Variants in CADM1 observed in about 807,000 individuals in gnomAD.
CADM1 encodes the protein cell adhesion molecule 1, also known as TSLC-1.
A neutral mutation model predicts 53.1 loss-of-function variants in CADM1; 15 were observed. That is an observed-to-expected ratio of 0.28 (90% CI 0.19 to 0.44). CADM1 has a LOEUF of 0.44. Ranked by LOEUF, CADM1 falls within the 20% of genes least tolerant of loss-of-function variation. The probability of loss-of-function intolerance (pLI) is 1.00; values close to 1 mark genes in which losing one functional copy is unlikely to be tolerated. For missense variants in CADM1, 434 were observed against 611.3 expected (o/e 0.71, Z 3.06); for synonymous variants, 281 against 243.0 (o/e 1.16, Z -1.45).
chr11:115,350,451 T>C (rs1945699820), intron 1 of CADM1, among the ~76,000 whole-genome samples: 1 of 151,132 alleles, frequency 6.6e-6, no homozygotes, highest in Non-Finnish European at 1.5e-5. Context: ...AGGTGCCCTG[T>C]AGAAATCCTA....
intron 1 of CADM1, among the ~76,000 whole-genome samples, chr11:115,289,673 G>T (rs1943833838): frequency 1.4e-5 from 2 of 143,208 alleles, no homozygotes. Flanking sequence ...TCCGCTCACT[G>T]CAAGCTCTGT....
intron 1 of CADM1, among the ~76,000 whole-genome samples, chr11:115,347,652 C>CA (rs1272250034): frequency 6.6e-6 from 1 of 152,140 alleles, no homozygotes; most frequent in Non-Finnish European, 1.5e-5. Flanking sequence ...ACCACTGTAA[C>CA]AATTCTGCTA....
chr11:115,351,338 G>A (rs1945731321), intron 1 of CADM1, among the ~76,000 whole-genome samples: 1 of 152,156 alleles, frequency 6.6e-6, no homozygotes, highest in Non-Finnish European at 1.5e-5. Context: ...TCTACTATCT[G>A]AAAAGGAAAC....
rs1373901302 is a variant in CADM1, at chr11:115,190,585, A to G, written c.1165+303T>C. 5 of 296,954 alleles carry G rather than the reference A, an allele frequency of 1.7e-5. No homozygotes were observed. The South Asian group carries it at 4.5e-4, about 27-fold the overall frequency. The allele number at this position is 296,954 out of a possible 1,614,324, so 18.4% of individuals were successfully genotyped here. A position where few individuals can be genotyped will look rare whatever the true frequency, so the allele number is the denominator to read the frequency against. Reference sequence around the variant, plus strand: ...AACAAAATTTCTCCCGACACATTATATATCTAGGACATAAACATTATTTGA... The same window carrying G: ...AACAAAATTTCTCCCGACACATTATGTATCTAGGACATAAACATTATTTGA... On this transcript the variant is annotated intron_variant, in intron 10 of 11. Coordinates refer to ENST00000331581, the MANE Select transcript of CADM1 (RefSeq NM_001301043.2).
intron 10 of CADM1, among the ~76,000 whole-genome samples, chr11:115,183,095 T>C (rs11215402): frequency 0.099 from 15,088 of 152,226 alleles, 1,048 homozygotes; most frequent in East Asian, 0.3. Flanking sequence ...GCCCGATCCA[T>C]TCCTCATGGG....
intron 1 of CADM1, among the ~76,000 whole-genome samples, chr11:115,315,994 C>G (rs556532986): frequency 1.3e-5 from 2 of 152,240 alleles, no homozygotes; most frequent in South Asian, 4.1e-4. Context: ...TGGAGCATTC[C>G]AGCTCCTCCT....
intron 1 of CADM1, among the ~76,000 whole-genome samples, chr11:115,475,228 T>C (rs1949104892): frequency 6.6e-6 from 1 of 152,216 alleles, no homozygotes; most frequent in African/African-American, 2.4e-5. Flanking sequence ...GTTGTTATAC[T>C]ATATTTTTTA....
chr11:115,210,790 G>T (rs1174014961), intron 7 of CADM1, among the ~76,000 whole-genome samples: 1 of 152,126 alleles, frequency 6.6e-6, no homozygotes, highest in Admixed American at 6.5e-5. Flanking sequence ...CTTCCCAAAA[G>T]TTTATAGAAA....
intron 1 of CADM1, among the ~76,000 whole-genome samples, chr11:115,389,926 C>T (rs1202801669): frequency 6.6e-6 from 1 of 152,040 alleles, no homozygotes; most frequent in Non-Finnish European, 1.5e-5. Context: ...TGTGGATGTG[C>T]GACTATCAAA....
chr11:115,262,225 T>C (rs1402261102), intron 1 of CADM1, among the ~76,000 whole-genome samples: 2 of 151,946 alleles, frequency 1.3e-5, no homozygotes, highest in Non-Finnish European at 2.9e-5. Flanking sequence ...TTACTCCTTA[T>C]AAAAACTCTG....
chr11:115,209,749 G>A (rs1940865922), intron 7 of CADM1, 92 bp from the exon 8 acceptor site: 2 of 1,487,570 alleles, frequency 1.3e-6, no homozygotes, highest in South Asian at 1.3e-5. Context: ...ACATTGAGAT[G>A]TTTGTTTGAT....
intron 2 of CADM1, among the ~76,000 whole-genome samples, chr11:115,239,713 G>GTTTT (rs34524829): frequency 7.0e-6 from 1 of 143,096 alleles, no homozygotes; most frequent in Admixed American, 6.9e-5. Flanking sequence ...ACAGTTTTTG[G>GTTTT]TTTTTTTTTT....
intron 1 of CADM1, among the ~76,000 whole-genome samples, chr11:115,276,188 G>GAA (rs1308262687): frequency 6.6e-6 from 1 of 152,134 alleles, no homozygotes; most frequent in East Asian, 1.9e-4. Context: ...ATTCTTCATA[G>GAA]AATGACTATT....
In CADM1 at chr11:115,173,611, AAGAG is replaced by A. The variant is rs1247234835; in HGVS notation, c.*2859_*2862del. On this transcript the variant is annotated 3_prime_UTR_variant, in exon 12 of 12. Transcript: ENST00000331581. Reference sequence around the variant, plus strand: ...CGGAGGCGTCCATAAGAAGTCCATAAAGAGATTAAAGGATCACTTTGTAACATTA... The same window carrying A: ...CGGAGGCGTCCATAAGAAGTCCATAAATTAAAGGATCACTTTGTAACATTA... 3.7e-6 allele frequency: 1 copy of A among 268,974 alleles called. No individual in the cohort carries two copies. The highest frequency in any genetic ancestry group is 5.7e-6 in the Non-Finnish European group (1 of 175,064). The allele number at this position is 268,974 out of a possible 1,614,324, so 16.7% of individuals were successfully genotyped here. A position where few individuals can be genotyped will look rare whatever the true frequency, so the allele number is the denominator to read the frequency against.
At chr11:115,486,160 GAACT>G (rs2135418304) in intron 1 of CADM1, among the ~76,000 whole-genome samples, 1 of 152,130 alleles carries the variant, frequency 6.6e-6, no homozygotes, top group South Asian at 2.1e-4. Context: ...TGTCTTGCTT[GAACT>G]ATTATACTCC....
At position 115,418,397 on chromosome 11, in the gene CADM1, T is replaced by C. The variant is rs187361734; in HGVS notation, c.124+85874A>G. Among the ~76,000 whole-genome samples, 20 of 152,208 alleles carry C rather than the reference T, an allele frequency of 1.3e-4. No homozygotes were observed. The East Asian group carries it at 3.9e-3, about 29-fold the overall frequency. ...GGCTATATTTAGAAAAATCCTATAG[T>C]ACATGAGAACTGAGAGATAAATATC... On this transcript the variant is annotated intron_variant, in intron 1 of 11. Coordinates refer to ENST00000331581, the MANE Select transcript of CADM1 (RefSeq NM_001301043.2).
At chr11:115,452,513 T>C (rs1948596089) in intron 1 of CADM1, among the ~76,000 whole-genome samples, 1 of 152,248 alleles carries the variant, frequency 6.6e-6, no homozygotes. Flanking sequence ...ATGTTTGATT[T>C]GTACACAGTT....
chr11:115,504,279 A>G lies in CADM1; in HGVS notation c.116T>C (p.Ile39Thr). ...TCGGTGCCCACACCTACCTGTGGGG[A>G]TCAGTGCCGCGGCGGAGAAGAGCAA... ...LLLLFSAAAL[I>T]PTGDGQNLFT... The change falls in exon 1 of 12, where the codon ATC becomes ACC. Residue 39 changes from isoleucine to threonine, a missense_variant. By Grantham distance (89) the Ile-to-Thr change is moderately conservative (BLOSUM62 -1). This residue lies in a region of CADM1 where 76 missense variants were observed against 59.8 expected (regional missense o/e 1.27). Coordinates refer to ENST00000331581, the MANE Select transcript of CADM1 (RefSeq NM_001301043.2). 1 of 1,572,070 alleles carries G rather than the reference A, an allele frequency of 6.4e-7. No individual in the cohort carries two copies. Among genetic ancestry groups the G allele is most frequent in the East Asian group, 2.4e-5 (1 of 42,294 alleles).
intron 1 of CADM1, among the ~76,000 whole-genome samples, chr11:115,371,111 A>G: frequency 6.6e-6 from 1 of 152,186 alleles, no homozygotes; most frequent in Non-Finnish European, 1.5e-5. Context: ...GACAGGGAGG[A>G]AAAAAGTGCA....
Sources: gnomAD v4.1 joint callset for allele counts (sites outside exome capture counted in the v4.1 genomes callset) on GRCh38, gnomAD v4.1.1 for gene constraint, gnomAD v4.1.1 regional missense constraint, MANE v1.5 for transcripts, NCBI Gene and HGNC (gene_info 2026-07-23, HGNC 2026-07-21) for gene names.